BCKDHB: variants seen among roughly 807,000 people sequenced by gnomAD.
BCKDHB encodes 2-oxoisovalerate dehydrogenase subunit beta, mitochondrial.
Under a neutral mutation model 48.5 loss-of-function variants are expected in BCKDHB, and 41 were observed. The observed-to-expected ratio is 0.85, with a 90% CI of 0.66 to 1.10. The LOEUF (loss-of-function observed/expected upper bound fraction) is 1.10, where lower values mean the gene tolerates loss of function less well. BCKDHB is among the 50% of genes least tolerant of loss of function. The probability of loss-of-function intolerance (pLI) is 0.00; values close to 1 mark genes in which losing one functional copy is unlikely to be tolerated. For synonymous variants in BCKDHB, 201 were observed against 174.8 expected, an observed-to-expected ratio of 1.15 and a Z score of -1.18; for missense variants, 496 against 494.2, an observed-to-expected ratio of 1.00 and a Z score of -0.03.
chr6:80,213,885 G>C, intron 8 of BCKDHB, among the ~76,000 whole-genome samples: 1 of 152,026 alleles, frequency 6.6e-6, no homozygotes, highest in African/African-American at 2.4e-5. Flanking sequence ...ATATTTTAGG[G>C]GTAGTCTATC....
At chr6:80,283,849 AT>A (rs1562201901) in intron 9 of BCKDHB, among the ~76,000 whole-genome samples, 1 of 152,168 alleles carries the variant, frequency 6.6e-6, no homozygotes, top group Non-Finnish European at 1.5e-5. Context: ...GTTATTTAAA[AT>A]TTTATACATG....
At chr6:80,194,354 C>T (rs756397120) in intron 6 of BCKDHB, among the ~76,000 whole-genome samples, 9 of 152,278 alleles carry the variant, frequency 5.9e-5, no homozygotes, top group Middle Eastern at 6.8e-3. Flanking sequence ...TACATAACCA[C>T]GGTAATATTG....
At chr6:80,402,357 G>A in the BCKDHB span, among the ~76,000 whole-genome samples, 1 of 151,666 alleles carries the variant, frequency 6.6e-6, no homozygotes, top group Admixed American at 6.6e-5. Context: ...GCATCTTTCT[G>A]ATGATTAGTG....
intron 9 of BCKDHB, among the ~76,000 whole-genome samples, chr6:80,279,746 A>C (rs1432180396): frequency 6.6e-6 from 1 of 152,098 alleles, no homozygotes; most frequent in African/African-American, 2.4e-5. Context: ...TCCTTTATTA[A>C]GTATTCTGGG....
chr6:80,166,716 C>A (rs781748412), intron 3 of BCKDHB, among the ~76,000 whole-genome samples: 1 of 151,738 alleles, frequency 6.6e-6, no homozygotes, highest in African/African-American at 2.4e-5. Flanking sequence ...TGATTTCTAA[C>A]TTAATTACAC....
At chr6:80,418,530 C>T in the BCKDHB span, among the ~76,000 whole-genome samples, 1 of 152,142 alleles carries the variant, frequency 6.6e-6, no homozygotes, top group East Asian at 1.9e-4. Flanking sequence ...GGCCAACTGG[C>T]TTTGTTTTTG....
At chr6:80,395,816 C>A in the BCKDHB span, among the ~76,000 whole-genome samples, 386 of 152,316 alleles carry the variant, frequency 2.5e-3, 3 homozygotes, top group African/African-American at 8.7e-3. Context: ...TCAGGACCCT[C>A]CTGCTGTGTG....
At chr6:80,441,432 G>A in the BCKDHB span, among the ~76,000 whole-genome samples, 1 of 152,114 alleles carries the variant, frequency 6.6e-6, no homozygotes, top group Non-Finnish European at 1.5e-5. Flanking sequence ...AATATCACAA[G>A]AGAACCTGCC....
chr6:80,397,440 A>G, the BCKDHB span, among the ~76,000 whole-genome samples: 1 of 152,172 alleles, frequency 6.6e-6, no homozygotes, highest in East Asian at 1.9e-4. Flanking sequence ...CCTTCAAATT[A>G]TTTAACAGAG....
chr6:80,207,270 G>T (rs192108244), intron 8 of BCKDHB, among the ~76,000 whole-genome samples: 1 of 151,974 alleles, frequency 6.6e-6, no homozygotes, highest in Non-Finnish European at 1.5e-5. Flanking sequence ...ACAAAAGCTA[G>T]GGGGTCTTAC....
chr6:80,402,044 T>C, the BCKDHB span, among the ~76,000 whole-genome samples: 2 of 151,870 alleles, frequency 1.3e-5, no homozygotes, highest in Non-Finnish European at 2.9e-5. Flanking sequence ...TTTCCATATC[T>C]TGATTATTGT....
chr6:80,361,781 G>T, the BCKDHB span, among the ~76,000 whole-genome samples: 393 of 152,300 alleles, frequency 2.6e-3, 2 homozygotes, highest in African/African-American at 9.0e-3. Flanking sequence ...ATGAAAGAGG[G>T]ATTGTCACGT....
intron 8 of BCKDHB, among the ~76,000 whole-genome samples, chr6:80,229,806 A>C (rs980568593): frequency 2.0e-5 from 3 of 152,142 alleles, no homozygotes; most frequent in South Asian, 2.1e-4. Context: ...CCAGAAATGG[A>C]AAATGACAAA....
At chr6:80,432,601 G>A in the BCKDHB span, among the ~76,000 whole-genome samples, 62 of 152,048 alleles carry the variant, frequency 4.1e-4, 1 homozygote, top group East Asian at 4.3e-3. Flanking sequence ...AAGGTTCTTC[G>A]TTTCTTTGCA....
At chr6:80,201,177 C>G in intron 7 of BCKDHB, 146 bp downstream of exon 7, 1 of 731,186 alleles carries the variant, frequency 1.4e-6, no homozygotes, top group East Asian at 2.7e-5. Context: ...TCTTTTTTCC[C>G]TCAACTTTAT....
chr6:80,252,864 GTTGT>G (rs1015931507), intron 8 of BCKDHB, among the ~76,000 whole-genome samples: 10 of 152,054 alleles, frequency 6.6e-5, no homozygotes, highest in African/African-American at 1.9e-4. Flanking sequence ...AGTTAAATAG[GTTGT>G]TTGTAAAGTT....
chr6:80,214,610 C>T (rs1463072513), intron 8 of BCKDHB, among the ~76,000 whole-genome samples: 1 of 152,142 alleles, frequency 6.6e-6, no homozygotes, highest in African/African-American at 2.4e-5. Flanking sequence ...TACCTATAAC[C>T]ACTAGAGGCC....
chr6:80,456,013 G>C, the BCKDHB span, among the ~76,000 whole-genome samples: 1 of 151,926 alleles, frequency 6.6e-6, no homozygotes, highest in Non-Finnish European at 1.5e-5. Context: ...TCAGGAGTTT[G>C]AGACCAGCCT....
intron 9 of BCKDHB, among the ~76,000 whole-genome samples, chr6:80,340,417 A>G (rs1269725325): frequency 6.6e-6 from 1 of 152,132 alleles, no homozygotes; most frequent in Admixed American, 6.5e-5. Context: ...ACAGCCACAT[A>G]TGTTATTGTT....
Sources: gnomAD v4.1 joint callset for allele counts (sites outside exome capture counted in the v4.1 genomes callset) on GRCh38, gnomAD v4.1.1 for gene constraint, MANE v1.5 for transcripts, NCBI Gene and HGNC (gene_info 2026-07-23, HGNC 2026-07-21) for gene names.